Variants in ERC1 observed in about 807,000 individuals in gnomAD.
ERC1 encodes RAB6 interacting protein 2.
Under a neutral mutation model 132.0 loss-of-function variants are expected in ERC1, and 56 were observed. The ratio of observed to expected loss-of-function variants is 0.42; its 90% CI spans 0.34 to 0.53. ERC1 has a LOEUF of 0.53. Ranked by LOEUF, ERC1 falls within the 20% of genes least tolerant of loss-of-function variation. The pLI, the probability that ERC1 is intolerant of heterozygous loss-of-function variation, is 0.03. For missense variants in ERC1, 1,202 were observed against 1,349.9 expected, an observed-to-expected ratio of 0.89 and a Z score of 1.72; for synonymous variants, 478 against 476.1, an observed-to-expected ratio of 1.00 and a Z score of -0.05.
At position 1,263,073 on chromosome 12, in the gene ERC1, G is replaced by C. The variant is rs1455639831; in HGVS notation, c.2527G>C (p.Glu843Gln). The C allele has an allele frequency of 6.2e-7, 1 of 1,614,018 alleles. No individual in the cohort carries two copies. The highest frequency in any genetic ancestry group is 8.5e-7 in the Non-Finnish European group (1 of 1,179,920). The change falls in exon 14 of 19, where the codon GAA becomes CAA. Residue 843 changes from glutamate (E) to glutamine (Q), a missense_variant. Physicochemically the swap from Glu to Gln is conservative, Grantham distance 29 (BLOSUM62 2). Transcript: ENST00000360905. Reference protein sequence around the residue: ...RKKDDRIEELEEALRESVQIT... With the variant: ...RKKDDRIEELQEALRESVQIT... ...GAAGGATGACAGGATTGAAGAGCTGGAAGAAGCACTAAGAGAAAGTGTACA... is the reference window on the plus strand; with the variant it reads ...GAAGGATGACAGGATTGAAGAGCTGCAAGAAGCACTAAGAGAAAGTGTACA...
chr12:1,165,913 A>G (rs1952377634), intron 8 of ERC1, among the ~76,000 whole-genome samples: 1 of 152,058 alleles, frequency 6.6e-6, no homozygotes, highest in Non-Finnish European at 1.5e-5. Flanking sequence ...AATTTTCATC[A>G]CTTCAGAAAG....
intron 18 of ERC1, among the ~76,000 whole-genome samples, chr12:1,487,323 ATTCT>A (rs911598085): frequency 1.3e-4 from 18 of 138,740 alleles, no homozygotes; most frequent in African/African-American, 4.7e-4. Context: ...GAGCATCTAG[ATTCT>A]TTCTTTTCTT....
intron 7 of ERC1, among the ~76,000 whole-genome samples, chr12:1,124,713 G>T (rs1023856347): frequency 3.3e-5 from 5 of 152,136 alleles, no homozygotes; most frequent in Admixed American, 1.3e-4. Context: ...AGGTTAATAG[G>T]ACAGGAACAG....
chr12:1,303,576 G>T (rs962400151), intron 15 of ERC1, among the ~76,000 whole-genome samples: 11 of 151,260 alleles, frequency 7.3e-5, no homozygotes, highest in Admixed American at 5.9e-4. Context: ...GAGGCGGAGC[G>T]TGCAGTGAGC....
intron 16 of ERC1, chr12:1,391,259 C>CCAGTGGAGG (rs1300718711): frequency 6.6e-6 from 1 of 152,176 alleles, no homozygotes; most frequent in African/African-American, 2.4e-5. Flanking sequence ...TCAGTATTGC[C>CCAGTGGAGG]CAGTGGAGGT....
Position 1,174,211 on chromosome 12 carries a change from A to G in ERC1, c.1738-6329A>G, listed in dbSNP as rs971862718. ...CGTGTTTCGGGTTTGTTCAGTGCTT[A>G]CACAGCTGGTTTGCACCTATCTGTG... On this transcript the variant is annotated intron_variant, in intron 8 of 18. Transcript: ENST00000360905. Among the ~76,000 whole-genome samples the G allele has an allele frequency of 6.6e-5, 10 of 152,310 alleles. No homozygotes were observed. The East Asian group carries it at 1.9e-3, about 29-fold the overall frequency.
chr12:1,093,978 TA>T (rs1943650832), intron 3 of ERC1, among the ~76,000 whole-genome samples: 4 of 132,944 alleles, frequency 3.0e-5, no homozygotes, highest in African/African-American at 1.1e-4. Flanking sequence ...TATATATATA[TA>T]TATATAGAAA....
At chr12:1,383,083 A>G (rs887716544) in intron 16 of ERC1, among the ~76,000 whole-genome samples, 1 of 152,204 alleles carries the variant, frequency 6.6e-6, no homozygotes, top group African/African-American at 2.4e-5. Context: ...TCCAGCATCA[A>G]ATCTAACTTG....
At chr12:1,346,960 A>AAAAAAAAAAAC (rs1006260266) in intron 15 of ERC1, among the ~76,000 whole-genome samples, 9 of 149,650 alleles carry the variant, frequency 6.0e-5, no homozygotes, top group Non-Finnish European at 1.2e-4. Flanking sequence ...AAAAAAAAAA[A>AAAAAAAAAAAC]AGAGAGAGAT....
intron 7 of ERC1, among the ~76,000 whole-genome samples, chr12:1,131,389 A>G (rs531020339): frequency 2.0e-5 from 3 of 152,374 alleles, no homozygotes; most frequent in African/African-American, 4.8e-5. Flanking sequence ...GCAACTAATT[A>G]TTACTACTAA....
chr12:1,230,312 C>A (rs962871512), intron 12 of ERC1, among the ~76,000 whole-genome samples: 1 of 152,134 alleles, frequency 6.6e-6, no homozygotes, highest in Non-Finnish European at 1.5e-5. Context: ...CTTTTTGACT[C>A]TCCTTTTGAT....
intron 2 of ERC1, among the ~76,000 whole-genome samples, chr12:1,066,335 A>G (rs952392245): frequency 6.6e-6 from 1 of 152,260 alleles, no homozygotes; most frequent in Non-Finnish European, 1.5e-5. Flanking sequence ...TGCAAGATAG[A>G]TTAGGAAGAA....
At chr12:1,415,380 A>G (rs1191901485) in intron 17 of ERC1, among the ~76,000 whole-genome samples, 1 of 152,258 alleles carries the variant, frequency 6.6e-6, no homozygotes, top group Non-Finnish European at 1.5e-5. Context: ...GCACTGTAGC[A>G]TCTCAAAACA....
rs143057672 is a variant in ERC1, at chr12:1,276,223, GTTTTTC to G, written c.2619+13076_2619+13081del. ...AGTTACATGTCTCTCTCATGTTTTT[GTTTTTC>G]TTTTTCTTTTTCTTTTTTTTTTTTT... On this transcript the variant is annotated intron_variant, in intron 14 of 18. Transcript: ENST00000360905. 3.1e-4 allele frequency among the ~76,000 whole-genome samples: 46 copies of G among 148,376 alleles called. No individual in the cohort carries two copies. In the South Asian group the frequency reaches 4.4e-3, roughly 14 times the overall value.
At chr12:1,414,659 A>T (rs1373169185) in intron 17 of ERC1, among the ~76,000 whole-genome samples, 5 of 151,992 alleles carry the variant, frequency 3.3e-5, no homozygotes, top group Non-Finnish European at 5.9e-5. Context: ...GTTTACTGTA[A>T]GTTTTCTTCT....
At chr12:1,038,869 A>G (rs1025584909) in intron 2 of ERC1, among the ~76,000 whole-genome samples, 1 of 152,316 alleles carries the variant, frequency 6.6e-6, no homozygotes, top group South Asian at 2.1e-4. Flanking sequence ...GGGTAATAGG[A>G]ATGGAGAAGA....
At chr12:993,240 T>C (rs1223322889) in intron 1 of ERC1, among the ~76,000 whole-genome samples, 1 of 152,190 alleles carries the variant, frequency 6.6e-6, no homozygotes. Flanking sequence ...AATTGACATA[T>C]CTAGTTTTCG....
chr12:1,274,580 T>C (rs1380625413), intron 14 of ERC1, among the ~76,000 whole-genome samples: 10 of 151,822 alleles, frequency 6.6e-5, no homozygotes, highest in Non-Finnish European at 1.2e-4. Flanking sequence ...GCAACCTCCA[T>C]CTCCCAGGTT....
intron 2 of ERC1, among the ~76,000 whole-genome samples, chr12:1,070,977 T>C (rs1940235494): frequency 1.3e-5 from 2 of 152,380 alleles, no homozygotes; most frequent in African/African-American, 4.8e-5. Flanking sequence ...GTCTGGCTTT[T>C]GTTGCTCAGT....
Sources: gnomAD v4.1 joint callset for allele counts (sites outside exome capture counted in the v4.1 genomes callset) on GRCh38, gnomAD v4.1.1 for gene constraint, MANE v1.5 for transcripts, NCBI Gene and HGNC (gene_info 2026-07-23, HGNC 2026-07-21) for gene names.